The following XPO4 variants were observed in gnomAD, a reference collection of about 807,000 sequenced individuals.
The protein encoded by XPO4 is exportin 4, also known as exportin-4.
Under a neutral mutation model 143.0 loss-of-function variants are expected in XPO4, and 39 were observed. The observed-to-expected ratio is 0.27, with a 90% confidence interval of 0.21 to 0.36. XPO4 has a LOEUF of 0.36. Ranked by LOEUF, XPO4 falls within the 10% of genes least tolerant of loss-of-function variation. The pLI is 1.00. For synonymous variants in XPO4, 439 were observed against 474.0 expected (o/e 0.93, Z 0.96); for missense variants, 907 against 1,348.0 (o/e 0.67, Z 5.12).
chr13:20,874,257 A>G (rs2060330802), intron 1 of XPO4, among the ~76,000 whole-genome samples: 2 of 152,238 alleles, frequency 1.3e-5, no homozygotes, highest in African/African-American at 2.4e-5. Flanking sequence ...CAAACTGAAA[A>G]TCTGGCATTA....
At chr13:20,791,200 A>T (rs895943717) in intron 18 of XPO4, among the ~76,000 whole-genome samples, 8 of 152,094 alleles carry the variant, frequency 5.3e-5, no homozygotes, top group Non-Finnish European at 1.2e-4. Flanking sequence ...TCTGACTCTA[A>T]AGGAAAACAG....
chr13:20,830,691 T>C (rs1283166208), intron 6 of XPO4, among the ~76,000 whole-genome samples: 1 of 152,132 alleles, frequency 6.6e-6, no homozygotes, highest in Non-Finnish European at 1.5e-5. Context: ...AACAGCATCA[T>C]AATGTTTATA....
intron 15 of XPO4, 62 bp downstream of exon 15, chr13:20,800,094 G>A: frequency 6.3e-7 from 1 of 1,576,596 alleles, no homozygotes; most frequent in Non-Finnish European, 8.6e-7. Context: ...ACACTAAGAA[G>A]TGAAAAAGAG....
chr13:20,882,124 A>G (rs867665463), intron 1 of XPO4, among the ~76,000 whole-genome samples: 31 of 147,834 alleles, frequency 2.1e-4, no homozygotes, highest in Admixed American at 7.4e-4. Flanking sequence ...AAAAAAAAAA[A>G]AAAGAAAGAA....
intron 6 of XPO4, among the ~76,000 whole-genome samples, chr13:20,833,392 G>C (rs549600187): frequency 6.6e-6 from 1 of 152,146 alleles, no homozygotes; most frequent in South Asian, 2.1e-4. Context: ...CAGATGCTCT[G>C]ATATAAATCC....
chr13:20,795,948 AAAG>A, intron 18 of XPO4, 125 bp downstream of exon 18: 1 of 1,068,036 alleles, frequency 9.4e-7, no homozygotes, highest in East Asian at 2.5e-5. Context: ...CTTTGACCAC[AAAG>A]ATCTTCTTTC....
chr13:20,832,563 A>C (rs2059866147), intron 6 of XPO4, among the ~76,000 whole-genome samples: 1 of 152,216 alleles, frequency 6.6e-6, no homozygotes, highest in Admixed American at 6.5e-5. Flanking sequence ...TACTCCCTTC[A>C]TCTTTCCATA....
intron 13 of XPO4, 148 bp downstream of exon 13, chr13:20,807,309 C>T (rs2059520749): frequency 1.4e-6 from 1 of 730,358 alleles, no homozygotes; most frequent in Non-Finnish European, 2.2e-6. Flanking sequence ...ACTTGCCATC[C>T]TTGTGTATTT....
rs969190174 is a variant in XPO4 at position 20,783,477 on chromosome 13, T to A, written c.*245A>T. 3 of 524,050 alleles carry A rather than the reference T, an allele frequency of 5.7e-6. No homozygotes were observed. The highest frequency in any genetic ancestry group is 3.8e-5 in the African/African-American group (2 of 52,684). 32.5% of individuals were successfully genotyped at this position (524,050 alleles called of 1,614,324 possible). ...CATATATGGAATTTCATTTTGAAAA[T>A]TTTAAATCACCATTCAGAATCTAAA... On this transcript the variant is annotated 3_prime_UTR_variant, in exon 23 of 23. Transcript: ENST00000255305.
chr13:20,793,623 G>A (rs934429886), intron 18 of XPO4, among the ~76,000 whole-genome samples: 9 of 151,918 alleles, frequency 5.9e-5, no homozygotes, highest in Admixed American at 2.0e-4. Flanking sequence ...GCACAATCTC[G>A]GCTCACTGCA....
chr13:20,851,284 G>C (rs2060082909), intron 4 of XPO4: 1 of 985,304 alleles, frequency 1.0e-6, no homozygotes. Flanking sequence ...GCCATATAGA[G>C]AATATTTTTC....
chr13:20,827,649 A>G (rs1380136599), intron 6 of XPO4, among the ~76,000 whole-genome samples: 5 of 152,220 alleles, frequency 3.3e-5, no homozygotes, highest in Admixed American at 3.3e-4. Flanking sequence ...TATTCACTGG[A>G]AAAGCAAAAG....
At chr13:20,828,762 AAAG>A (rs1490449893) in intron 6 of XPO4, among the ~76,000 whole-genome samples, 22 of 152,156 alleles carry the variant, frequency 1.4e-4, no homozygotes, top group Admixed American at 1.2e-3. Context: ...AAGCCAAAAG[AAAG>A]AAGCCCGAAT....
chr13:20,850,808 C>G (rs565976635), intron 4 of XPO4: 1 of 985,038 alleles, frequency 1.0e-6, no homozygotes, highest in African/African-American at 1.8e-5. Flanking sequence ...GCTTCAAAAG[C>G]GAAGGGGGAA....
intron 1 of XPO4, among the ~76,000 whole-genome samples, chr13:20,886,900 C>G (rs529082388): frequency 6.6e-6 from 1 of 151,958 alleles, no homozygotes; most frequent in East Asian, 2.0e-4. Context: ...ATGGAGAAAC[C>G]CTGTCTCTAC....
At chr13:20,876,198 G>A (rs542860918) in intron 1 of XPO4, among the ~76,000 whole-genome samples, 1 of 149,580 alleles carries the variant, frequency 6.7e-6, no homozygotes, top group East Asian at 1.9e-4. Flanking sequence ...GAAGGCAGAG[G>A]TTGCAGTGAG....
At chr13:20,897,132 G>A (rs2060577238) in intron 1 of XPO4, among the ~76,000 whole-genome samples, 1 of 151,970 alleles carries the variant, frequency 6.6e-6, no homozygotes, top group South Asian at 2.1e-4. Flanking sequence ...CTACAAGACA[G>A]GGCTGAAATA....
intron 1 of XPO4, among the ~76,000 whole-genome samples, chr13:20,882,851 C>T (rs977662920): frequency 1.3e-5 from 2 of 151,136 alleles, no homozygotes; most frequent in African/African-American, 4.9e-5. Context: ...GGAGCCACTG[C>T]ACTCCAGCCT....
At chr13:20,870,073 C>T (rs1026630813) in intron 1 of XPO4, among the ~76,000 whole-genome samples, 1 of 119,058 alleles carries the variant, frequency 8.4e-6, no homozygotes, top group Non-Finnish European at 1.6e-5. Context: ...GCACTCTAGC[C>T]TGGGTGAAGG....
Sources: gnomAD v4.1 joint callset for allele counts (sites outside exome capture counted in the v4.1 genomes callset) on GRCh38, gnomAD v4.1.1 for gene constraint, MANE v1.5 for transcripts, NCBI Gene and HGNC (gene_info 2026-07-23, HGNC 2026-07-21) for gene names.